Variants in SLC2A13 observed in about 807,000 individuals in gnomAD.
SLC2A13 encodes the protein solute carrier family 2 member 13.
SLC2A13 carries 32 observed loss-of-function variants against 64.4 expected under a neutral mutation model. That is an observed-to-expected ratio of 0.50 (90% CI 0.37 to 0.67). The LOEUF (loss-of-function observed/expected upper bound fraction) is 0.67. SLC2A13 is among the 30% of genes least tolerant of loss of function. SLC2A13 has a pLI of 0.00. For missense variants in SLC2A13, 743 were observed against 829.2 expected (o/e 0.90, Z 1.28); for synonymous variants, 338 against 327.1 (o/e 1.03, Z -0.36).
intron 4 of SLC2A13, among the ~76,000 whole-genome samples, chr12:39,905,157 G>T (rs1178912599): frequency 6.6e-6 from 1 of 152,092 alleles, no homozygotes; most frequent in Non-Finnish European, 1.5e-5. Context: ...GTCCTACTGT[G>T]AACAACTAAG....
chr12:40,080,764 T>G (rs1428565694), intron 1 of SLC2A13, among the ~76,000 whole-genome samples: 1 of 152,214 alleles, frequency 6.6e-6, no homozygotes, highest in African/African-American at 2.4e-5. Flanking sequence ...TAGGTTGTTA[T>G]GCAGACTTGA....
In SLC2A13 at chr12:40,105,774, G is replaced by A. The variant is rs1469023595; in HGVS notation, c.35C>T (p.Thr12Met). The A allele has an allele frequency of 1.3e-6, 2 of 1,488,410 alleles. No homozygotes were observed. Among genetic ancestry groups the A allele is most frequent in the South Asian group, 1.3e-5 (1 of 78,050 alleles). The allele number at this position is 1,488,410 out of a possible 1,614,324, so 92.2% of individuals were successfully genotyped here. A position where few individuals can be genotyped will look rare whatever the true frequency, so the allele number is the denominator to read the frequency against. Residue 12 changes from threonine (T) to methionine (M), a missense_variant, in exon 1 of 10, where the codon ACG (threonine) becomes ATG (methionine). Thr to Met is a moderately conservative substitution (Grantham distance 81, BLOSUM62 -1). Transcript: ENST00000280871. This position sits in a 1 kb window ranked among gnomAD's most constrained non-coding sequence, Gnocchi z 4.2. ...CATCAGGCTGCTCAGGCTCCGCAGC[G>A]TGTACTCCACATTCTCGCTTGCCTT... ...SRKASENVEY[T>M]LRSLSSLMGE...
At chr12:39,935,770 G>T (rs534883482) in intron 4 of SLC2A13, among the ~76,000 whole-genome samples, 1 of 152,288 alleles carries the variant, frequency 6.6e-6, no homozygotes, top group African/African-American at 2.4e-5. Context: ...CAGCTAGGGA[G>T]AATGGCACAC....
At chr12:40,022,712 C>A (rs1947740512) in intron 3 of SLC2A13, among the ~76,000 whole-genome samples, 2 of 152,106 alleles carry the variant, frequency 1.3e-5, no homozygotes, top group South Asian at 4.1e-4. Flanking sequence ...GTGGTGCATG[C>A]CTGTAGTCCC....
chr12:40,066,449 C>T (rs1182125618), intron 1 of SLC2A13, among the ~76,000 whole-genome samples: 3 of 150,036 alleles, frequency 2.0e-5, no homozygotes, highest in Non-Finnish European at 4.5e-5. Context: ...CCTTCAGACT[C>T]TGCCTAATAA....
rs543155474 is a variant in SLC2A13, at chr12:39,947,662, T to C, written c.1034+3595A>G. 2.3e-3 allele frequency among the ~76,000 whole-genome samples: 346 copies of C among 147,240 alleles called. 1 individual carries two copies. Among genetic ancestry groups the C allele is most frequent in the Non-Finnish European group, 4.0e-3 (266 of 66,878 alleles). On this transcript the variant is annotated intron_variant, in intron 4 of 9. Coordinates refer to ENST00000280871, the MANE Select transcript of SLC2A13 (RefSeq NM_052885.4). ...AATAGATCACAGTGAGAATTTCTTTTTTTTTTTTTTTTTTTTGAGACGGAG... is the reference window on the plus strand; with the variant it reads ...AATAGATCACAGTGAGAATTTCTTTCTTTTTTTTTTTTTTTTGAGACGGAG...
intron 1 of SLC2A13, among the ~76,000 whole-genome samples, chr12:40,063,104 A>G (rs1055026903): frequency 6.6e-6 from 1 of 152,024 alleles, no homozygotes; most frequent in Non-Finnish European, 1.5e-5. Context: ...TCCGGTATCT[A>G]TTTTACAACT....
chr12:39,864,012 T>C (rs555488835), intron 6 of SLC2A13, among the ~76,000 whole-genome samples: 1 of 152,250 alleles, frequency 6.6e-6, no homozygotes. Context: ...TCTATCTATA[T>C]GTTTTAAAGG....
chr12:39,838,401 T>G (rs1352997633), intron 6 of SLC2A13, among the ~76,000 whole-genome samples: 80 of 131,948 alleles, frequency 6.1e-4, no homozygotes, highest in African/African-American at 1.3e-3. Flanking sequence ...AGATGACGAG[T>G]TAGTGGGTGC....
At position 39,895,695 on chromosome 12, in the gene SLC2A13, T is replaced by C. The variant is rs996844349; in HGVS notation, c.1035-23734A>G. On this transcript the variant is annotated intron_variant, in intron 4 of 9. Coordinates refer to ENST00000280871, the MANE Select transcript of SLC2A13 (RefSeq NM_052885.4). ...GTGTATACGTACACACATATGTATA[T>C]GCGTGTATACGTACACACATATGTA... is the stretch of plus-strand genomic sequence containing the variant. Among the ~76,000 whole-genome samples the C allele has an allele frequency of 2.7e-5, 4 of 147,208 alleles. 1 individual carries two copies. Among genetic ancestry groups the C allele is most frequent in the African/African-American group, 1.0e-4 (4 of 40,056 alleles).
intron 4 of SLC2A13, among the ~76,000 whole-genome samples, chr12:39,896,013 T>C (rs1252361132): frequency 6.8e-6 from 1 of 146,372 alleles, no homozygotes; most frequent in African/African-American, 2.6e-5. Flanking sequence ...TATACATGTG[T>C]ATATGTATAC....
chr12:39,830,474 T>C, intron 6 of SLC2A13: 1 of 1,207,660 alleles, frequency 8.3e-7, no homozygotes, highest in South Asian at 2.3e-5. Flanking sequence ...GGCTTGGATC[T>C]GAGAGACTGA....
intron 4 of SLC2A13, among the ~76,000 whole-genome samples, chr12:39,887,094 T>G (rs551691516): frequency 6.6e-6 from 1 of 152,346 alleles, no homozygotes; most frequent in Non-Finnish European, 1.5e-5. Context: ...TTACTCAGTT[T>G]ATGCACGCTA....
chr12:40,088,356 T>C (rs368463651), intron 1 of SLC2A13, among the ~76,000 whole-genome samples: 2 of 152,182 alleles, frequency 1.3e-5, no homozygotes, highest in South Asian at 2.1e-4. Flanking sequence ...CATCATATAT[T>C]AGAAGGAATT....
At chr12:39,801,119 A>C (rs2135785368) in intron 7 of SLC2A13, among the ~76,000 whole-genome samples, 1 of 74,316 alleles carries the variant, frequency 1.3e-5, no homozygotes, top group African/African-American at 5.3e-5. Context: ...GGGGGGAGGG[A>C]TAGCATTGGG....
chr12:40,069,779 C>A (rs530114349), intron 1 of SLC2A13, among the ~76,000 whole-genome samples: 1 of 152,060 alleles, frequency 6.6e-6, no homozygotes, highest in African/African-American at 2.4e-5. Context: ...TTTTATCAGA[C>A]AAGGCATCAG....
chr12:39,886,725 C>T (rs1944474267), intron 4 of SLC2A13, among the ~76,000 whole-genome samples: 1 of 152,010 alleles, frequency 6.6e-6, no homozygotes, highest in Admixed American at 6.6e-5. Context: ...AAATTTAAAG[C>T]TACTTCATAA....
intron 1 of SLC2A13, among the ~76,000 whole-genome samples, chr12:40,055,304 C>A (rs1948317700): frequency 6.6e-6 from 1 of 152,204 alleles, no homozygotes; most frequent in Admixed American, 6.5e-5. Context: ...GGTCTACAAA[C>A]TTAAAGAGCT....
At chr12:39,896,183 T>C (rs906998408) in intron 4 of SLC2A13, among the ~76,000 whole-genome samples, 6 of 148,974 alleles carry the variant, frequency 4.0e-5, no homozygotes, top group Non-Finnish European at 7.5e-5. Context: ...AATATGTATA[T>C]ATGTATATAT....
Sources: gnomAD v4.1 joint callset for allele counts (sites outside exome capture counted in the v4.1 genomes callset) on GRCh38, gnomAD v4.1.1 for gene constraint, Gnocchi (gnomAD v3.1) non-coding constraint, MANE v1.5 for transcripts, NCBI Gene and HGNC (gene_info 2026-07-23, HGNC 2026-07-21) for gene names.